The following LRRIQ1 variants were observed in gnomAD, a reference collection of about 807,000 sequenced individuals.
LRRIQ1 encodes leucine rich repeats and IQ motif containing 1.
Under a neutral mutation model 211.9 loss-of-function variants are expected in LRRIQ1, and 210 were observed. The ratio of observed to expected loss-of-function variants is 0.99; its 90% CI spans 0.89 to 1.11. The LOEUF (loss-of-function observed/expected upper bound fraction) is 1.11, where lower values mean the gene tolerates loss of function less well. Ranked by LOEUF, LRRIQ1 falls within the 50% of genes most tolerant of loss-of-function variation. The probability of loss-of-function intolerance (pLI) is 0.00; values close to 1 mark genes in which losing one functional copy is unlikely to be tolerated. For missense variants in LRRIQ1, 2,136 were observed against 1,939.5 expected, an observed-to-expected ratio of 1.10 and a Z score of -1.90; for synonymous variants, 699 against 650.1, an observed-to-expected ratio of 1.08 and a Z score of -1.14.
In LRRIQ1 at chr12:85,055,672, A is replaced by T. The variant is rs1271475568; in HGVS notation, c.879A>T (p.Lys293Asn). 3 of 1,605,660 alleles carry T rather than the reference A, an allele frequency of 1.9e-6. No individual in the cohort carries two copies. Among genetic ancestry groups the T allele is most frequent in the Non-Finnish European group, 8.5e-7 (1 of 1,177,642 alleles). ...QNNAAVKIQA[K>N]YKAFVAYQKY... ...ATGCAGCTGTTAAAATTCAAGCTAA[A>T]TATAAAGCATTTGTTGCCTATCAAA... The change falls in exon 8 of 27, where the codon AAA (lysine) becomes AAT (asparagine). Residue 293 changes from lysine to asparagine, a missense_variant. Coordinates refer to ENST00000393217, the MANE Select transcript of LRRIQ1 (RefSeq NM_001079910.2).
rs760509562 is a variant in LRRIQ1 at position 85,065,328 on chromosome 12, C to T, written c.2458C>T (p.Leu820Phe). Reference protein sequence around the residue: ...VLSTLAECTNLQFLSLRRCGL... With the variant: ...VLSTLAECTNFQFLSLRRCGL... ...CTCCACACTGGCAGAGTGTACAAAT[C>T]TTCAGTTTCTATCCCTTCGACGCTG... Residue 820 changes from leucine (L) to phenylalanine (F), a missense_variant, in exon 9 of 27, where the codon CTT becomes TTT. Coordinates refer to ENST00000393217, the MANE Select transcript of LRRIQ1 (RefSeq NM_001079910.2). The T allele has an allele frequency of 1.9e-6, 3 of 1,611,126 alleles. No homozygotes were observed. The highest frequency in any genetic ancestry group is 2.5e-6 in the Non-Finnish European group (3 of 1,178,024).
At chr12:85,136,232 G>A (rs1889121744) in intron 18 of LRRIQ1, among the ~76,000 whole-genome samples, 1 of 151,782 alleles carries the variant, frequency 6.6e-6, no homozygotes, top group Admixed American at 6.6e-5. Flanking sequence ...CCACACAAAT[G>A]AGAAAAAAAT....
intron 24 of LRRIQ1, among the ~76,000 whole-genome samples, chr12:85,174,946 A>G (rs975750345): frequency 2.6e-5 from 4 of 152,056 alleles, no homozygotes; most frequent in African/African-American, 9.7e-5. Context: ...GTCCTCCAAA[A>G]GGAAGACCAG....
At chr12:85,232,804 C>T in intron 26 of LRRIQ1, 48 bp downstream of exon 26, 2 of 1,318,202 alleles carry the variant, frequency 1.5e-6, no homozygotes, top group Non-Finnish European at 2.2e-6. Context: ...GACACTAGTG[C>T]TCAAATAAAT....
chr12:85,080,714 C>G (rs1884192612), intron 11 of LRRIQ1, among the ~76,000 whole-genome samples: 1 of 149,928 alleles, frequency 6.7e-6, no homozygotes, highest in Non-Finnish European at 1.5e-5. Flanking sequence ...TTTATAGTAT[C>G]TAGTATTCAG....
exon 2 of LRRIQ1, chr12:85,263,880 C>T (rs1399318960): frequency 6.6e-6 from 1 of 151,852 alleles, no homozygotes; most frequent in Non-Finnish European, 1.5e-5. Context: ...TAAAGTCTTA[C>T]TGTTGTGTGA....
chr12:85,092,144 C>A (rs183531596), intron 11 of LRRIQ1, among the ~76,000 whole-genome samples: 1 of 152,274 alleles, frequency 6.6e-6, no homozygotes, highest in African/African-American at 2.4e-5. Flanking sequence ...AGAGTTTTGA[C>A]TGCACAGAGA....
downstream of LRRIQ1, among the ~76,000 whole-genome samples, chr12:85,246,695 T>C (rs1258217271): frequency 6.6e-6 from 1 of 151,472 alleles, no homozygotes; most frequent in Non-Finnish European, 1.5e-5. Context: ...TTCCAACTAC[T>C]TGTCAACAAA....
At chr12:85,226,749 A>G (rs549296389) in intron 24 of LRRIQ1, among the ~76,000 whole-genome samples, 46 of 134,028 alleles carry the variant, frequency 3.4e-4, no homozygotes, top group African/African-American at 1.2e-3. Flanking sequence ...CCATTGTTCA[A>G]TTCCCACCTA....
intron 26 of LRRIQ1, among the ~76,000 whole-genome samples, chr12:85,237,873 A>G (rs1418877618): frequency 1.3e-5 from 2 of 152,128 alleles, no homozygotes; most frequent in East Asian, 1.9e-4. Context: ...ATAAAATTAC[A>G]ATGTCCAGTG....
chr12:85,040,926 T>G (rs1209063710), intron 3 of LRRIQ1, among the ~76,000 whole-genome samples: 1 of 151,552 alleles, frequency 6.6e-6, no homozygotes, highest in Admixed American at 6.6e-5. Flanking sequence ...TATATACATC[T>G]TTTTTTGGGA....
chr12:85,076,911 T>C (rs1348831202), intron 11 of LRRIQ1, among the ~76,000 whole-genome samples: 2 of 152,030 alleles, frequency 1.3e-5, no homozygotes, highest in Non-Finnish European at 2.9e-5. Context: ...AGTTTACAGA[T>C]GAAAAAACAC....
In LRRIQ1 at chr12:85,178,985, G is replaced by A. The variant is rs1565886910; in HGVS notation, c.4822+18271G>A. 2.6e-5 allele frequency among the ~76,000 whole-genome samples: 4 copies of A among 151,168 alleles called. No individual in the cohort carries two copies. The South Asian group carries it at 8.3e-4, about 31-fold the overall frequency. On this transcript the variant is annotated intron_variant, in intron 24 of 26. Transcript: ENST00000393217. The stretch of plus-strand genomic sequence containing the variant: ...ATGGGCAAAACAAAATATTTTAGGA[G>A]TGTACAACACACCTATTCCTATGGC...
downstream of LRRIQ1, among the ~76,000 whole-genome samples, chr12:85,266,214 CATAG>C (rs929896424): frequency 2.2e-4 from 34 of 152,090 alleles, no homozygotes; most frequent in African/African-American, 7.5e-4. Flanking sequence ...TCAGGTTTTA[CATAG>C]ATAGAGTTAT....
chr12:85,259,552 G>C (rs1896225043), intron 1 of LRRIQ1, among the ~76,000 whole-genome samples: 1 of 152,030 alleles, frequency 6.6e-6, no homozygotes. Context: ...TGCAATGAGA[G>C]AATAAGCTAT....
chr12:85,049,303 C>A (rs1880022790), intron 6 of LRRIQ1, among the ~76,000 whole-genome samples: 1 of 152,138 alleles, frequency 6.6e-6, no homozygotes, highest in Non-Finnish European at 1.5e-5. Flanking sequence ...CAAATAACCA[C>A]ATAACATTTT....
chr12:85,058,211 G>T (rs1170175574), intron 8 of LRRIQ1, among the ~76,000 whole-genome samples: 1 of 151,958 alleles, frequency 6.6e-6, no homozygotes, highest in Non-Finnish European at 1.5e-5. Context: ...ATATGAAATA[G>T]CAATATAAGA....
At chr12:85,258,044 A>G (rs1896173126) in intron 1 of LRRIQ1, among the ~76,000 whole-genome samples, 1 of 151,892 alleles carries the variant, frequency 6.6e-6, no homozygotes, top group Non-Finnish European at 1.5e-5. Flanking sequence ...GGCAAAATAC[A>G]TGAGTTAAAA....
chr12:85,230,926 G>A (rs932442880), intron 25 of LRRIQ1, among the ~76,000 whole-genome samples: 1 of 152,040 alleles, frequency 6.6e-6, no homozygotes, highest in African/African-American at 2.4e-5. Context: ...GGGGGCGCCT[G>A]TAGTCCCAGC....
Sources: gnomAD v4.1 joint callset for allele counts (sites outside exome capture counted in the v4.1 genomes callset) on GRCh38, gnomAD v4.1.1 for gene constraint, MANE v1.5 for transcripts, NCBI Gene and HGNC (gene_info 2026-07-23, HGNC 2026-07-21) for gene names.